KALRN: variants seen among roughly 807,000 people sequenced by gnomAD.
KALRN encodes kalirin RhoGEF kinase.
Under a neutral mutation model 353.7 loss-of-function variants are expected in KALRN, and 70 were observed. The ratio of observed to expected loss-of-function variants is 0.20; its 90% CI spans 0.16 to 0.24. The LOEUF (loss-of-function observed/expected upper bound fraction) is 0.24. KALRN is among the 10% of genes least tolerant of loss of function. The pLI is 1.00. For synonymous variants in KALRN, 1,391 were observed against 1,434.8 expected, an observed-to-expected ratio of 0.97 and a Z score of 0.69; for missense variants, 2,791 against 3,756.7, an observed-to-expected ratio of 0.74 and a Z score of 6.72.
At chr3:124,636,274 A>G (rs139351913) in intron 36 of KALRN, among the ~76,000 whole-genome samples, 171 of 152,248 alleles carry the variant, frequency 1.1e-3, no homozygotes, top group African/African-American at 3.8e-3. Context: ...GATAAGCTGG[A>G]AGTAAAAGCA....
intron 33 of KALRN, among the ~76,000 whole-genome samples, chr3:124,551,081 G>A (rs774223038): frequency 2.0e-4 from 31 of 152,168 alleles, no homozygotes; most frequent in Non-Finnish European, 2.6e-4. Flanking sequence ...GTTCCCTAGA[G>A]GGCATGTCAT....
At chr3:124,704,396 T>C (rs895094018) in intron 57 of KALRN, among the ~76,000 whole-genome samples, 1 of 152,228 alleles carries the variant, frequency 6.6e-6, no homozygotes, top group South Asian at 2.1e-4. Flanking sequence ...TTTTCTTATC[T>C]GTTCAAAAGT....
chr3:124,299,712 GGCAC>G (rs1388057033), intron 6 of KALRN, among the ~76,000 whole-genome samples: 2 of 152,210 alleles, frequency 1.3e-5, no homozygotes, highest in Non-Finnish European at 2.9e-5. Flanking sequence ...AACGGTGCCT[GGCAC>G]ATAGTAAGTC....
intron 35 of KALRN, among the ~76,000 whole-genome samples, chr3:124,633,203 A>G (rs2080971763): frequency 6.6e-6 from 1 of 152,234 alleles, no homozygotes; most frequent in African/African-American, 2.4e-5. Context: ...CCGCTCAAAG[A>G]AAAAGTTTAA....
chr3:124,715,543 A>G (rs770934232), intron 58 of KALRN, among the ~76,000 whole-genome samples: 3 of 152,182 alleles, frequency 2.0e-5, no homozygotes, highest in Non-Finnish European at 4.4e-5. Context: ...ATCCTACTCC[A>G]CTCTACTCTG....
chr3:124,399,313 T>G (rs909471543), intron 13 of KALRN, among the ~76,000 whole-genome samples: 1 of 152,150 alleles, frequency 6.6e-6, no homozygotes, highest in Non-Finnish European at 1.5e-5. Context: ...TAATTTTGTA[T>G]TTTTAGTAGA....
chr3:124,677,166 T>C (rs1284618618), intron 49 of KALRN, among the ~76,000 whole-genome samples: 4 of 152,212 alleles, frequency 2.6e-5, no homozygotes, highest in East Asian at 1.9e-4. Flanking sequence ...CCTGTCTGCA[T>C]AGGCCCACCT....
chr3:124,306,518 CTATG>C (rs1313156725), intron 6 of KALRN, among the ~76,000 whole-genome samples: 46 of 152,092 alleles, frequency 3.0e-4, no homozygotes, highest in Non-Finnish European at 1.5e-4. Context: ...GCACCAACTG[CTATG>C]CATAATGGCA....
At chr3:124,412,947 C>T (rs973843478) in intron 13 of KALRN, among the ~76,000 whole-genome samples, 1 of 152,208 alleles carries the variant, frequency 6.6e-6, no homozygotes, top group African/African-American at 2.4e-5. Flanking sequence ...TTCTAGCCCT[C>T]AGTTTCTGTT....
intron 34 of KALRN, among the ~76,000 whole-genome samples, chr3:124,589,639 T>C (rs536611937): frequency 5.9e-5 from 9 of 152,302 alleles, no homozygotes; most frequent in East Asian, 1.9e-4. Context: ...GATAAAATCC[T>C]TGGGGCCTTG....
At chr3:124,217,708 C>T (rs76562376) in intron 1 of KALRN, among the ~76,000 whole-genome samples, 18,813 of 151,878 alleles carry the variant, frequency 0.12, 1,447 homozygotes, top group East Asian at 0.39. Flanking sequence ...AGCAACGTCA[C>T]ACTAGTTCAG....
In KALRN at chr3:124,678,590, C is replaced by A. The variant is rs74590646; in HGVS notation, c.7317+277C>A. 5.8e-3 allele frequency: 1,336 copies of A among 229,220 alleles called. 24 individuals carry two copies. Among genetic ancestry groups the A allele is most frequent in the African/African-American group, 0.028 (1,254 of 44,244 alleles). 14.2% of individuals were successfully genotyped at this position (229,220 alleles called of 1,614,324 possible). ...TTACAGCAAAATTATCTGCAGCATT[C>A]TCTTAAAAATGTGAGATGCTTGATT... On this transcript the variant is annotated intron_variant, in intron 50 of 59. Transcript: ENST00000682506.
At chr3:124,474,030 T>G (rs1410644330) in intron 25 of KALRN, among the ~76,000 whole-genome samples, 1 of 152,252 alleles carries the variant, frequency 6.6e-6, no homozygotes, top group African/African-American at 2.4e-5. Context: ...TCTTTATTAT[T>G]TATTAACGTG....
intron 5 of KALRN, among the ~76,000 whole-genome samples, chr3:124,276,952 C>CGCATGCACACACACATGTGT (rs2074798231): frequency 6.6e-6 from 1 of 152,194 alleles, no homozygotes; most frequent in Non-Finnish European, 1.5e-5. Flanking sequence ...CACACATGTG[C>CGCATGCACACACACATGTGT]GCATGCACAC....
At chr3:124,079,666 C>A (rs143697632) in intron 1 of KALRN, among the ~76,000 whole-genome samples, 203 of 152,278 alleles carry the variant, frequency 1.3e-3, no homozygotes, top group African/African-American at 4.6e-3. Flanking sequence ...CATAGTTTTT[C>A]TTCTAATAAA....
intron 1 of KALRN, among the ~76,000 whole-genome samples, chr3:124,159,683 C>T (rs1320927797): frequency 2.0e-5 from 3 of 151,688 alleles, no homozygotes. Context: ...ATGCGTAATA[C>T]CTGAGGGTAG....
intron 11 of KALRN, among the ~76,000 whole-genome samples, chr3:124,392,893 C>T (rs1332036992): frequency 6.0e-5 from 9 of 151,252 alleles, no homozygotes; most frequent in Admixed American, 5.9e-4. Flanking sequence ...CCCACTAACT[C>T]GTTATCTAGC....
chr3:124,374,292 C>A (rs2086275068), intron 10 of KALRN: 2 of 152,224 alleles, frequency 1.3e-5, no homozygotes, highest in African/African-American at 4.8e-5. Flanking sequence ...ATAAGCCACC[C>A]ATTGTAAAGC....
At chr3:124,677,410 C>A (rs1273747795) in intron 49 of KALRN, 2 of 346,428 alleles carry the variant, frequency 5.8e-6, no homozygotes, top group South Asian at 2.3e-5. Flanking sequence ...TCCCAAGACC[C>A]TTTGTGGGAA....
Sources: allele counts gnomAD v4.1 joint callset (sites outside exome capture counted in the v4.1 genomes callset), GRCh38; gene constraint gnomAD v4.1.1; transcripts MANE v1.5; gene names NCBI Gene and HGNC (gene_info 2026-07-23, HGNC 2026-07-21).